The following RSU1 variants were observed in gnomAD, a reference collection of about 807,000 sequenced individuals.
RSU1 encodes Ras suppressor protein 1.
RSU1 carries 26 observed loss-of-function variants against 31.1 expected under a neutral mutation model. That is an observed-to-expected ratio of 0.84 (90% CI 0.61 to 1.16). The LOEUF (loss-of-function observed/expected upper bound fraction) is 1.16, where lower values mean the gene tolerates loss of function less well. Among genes scored for constraint, RSU1 ranks in the 50% most tolerant of loss-of-function variants. The pLI is 0.00. For missense variants in RSU1, 320 were observed against 339.1 expected (o/e 0.94, Z 0.44); for synonymous variants, 164 against 136.3 (o/e 1.20, Z -1.41).
At chr10:16,640,982 T>C (rs926168340) in intron 8 of RSU1, among the ~76,000 whole-genome samples, 4 of 152,220 alleles carry the variant, frequency 2.6e-5, no homozygotes, top group Non-Finnish European at 5.9e-5. Context: ...AGAAGGCTTG[T>C]AGTATCATTG....
At chr10:16,703,370 G>C (rs1835834821) in intron 7 of RSU1, among the ~76,000 whole-genome samples, 2 of 152,180 alleles carry the variant, frequency 1.3e-5, no homozygotes, top group South Asian at 4.1e-4. Context: ...TCTCTGAAAA[G>C]CAATCTGGCG....
intron 8 of RSU1, among the ~76,000 whole-genome samples, chr10:16,612,792 A>G (rs1833915851): frequency 6.6e-6 from 1 of 152,232 alleles, no homozygotes; most frequent in Admixed American, 6.5e-5. Context: ...TTCTGCTAAG[A>G]TGCAATGGAG....
At chr10:16,683,274 T>C (rs1277334374) in intron 8 of RSU1, among the ~76,000 whole-genome samples, 1 of 151,944 alleles carries the variant, frequency 6.6e-6, no homozygotes, top group Admixed American at 6.6e-5. Context: ...GTGTAGAGGC[T>C]ACAGATGAAG....
intron 8 of RSU1, among the ~76,000 whole-genome samples, chr10:16,602,126 C>T (rs1833723523): frequency 6.6e-6 from 1 of 152,196 alleles, no homozygotes; most frequent in Non-Finnish European, 1.5e-5. Context: ...GAGATCTCCT[C>T]TGTCCATATT....
At chr10:16,750,362 G>C (rs938279187) in intron 7 of RSU1, among the ~76,000 whole-genome samples, 1 of 151,992 alleles carries the variant, frequency 6.6e-6, no homozygotes, top group African/African-American at 2.4e-5. Flanking sequence ...CATACGGCTC[G>C]CAAAAATAAA....
intron 3 of RSU1, among the ~76,000 whole-genome samples, chr10:16,777,878 G>A (rs1020755291): frequency 2.6e-5 from 4 of 152,138 alleles, no homozygotes; most frequent in South Asian, 2.1e-4. Flanking sequence ...GCCTTCCCAC[G>A]CATCTGAGCG....
chr10:16,600,568 A>T lies in RSU1; in HGVS notation c.732-7072T>A, dbSNP rs57276326. ...TACTGACACGTGTTTTTTTTTTTTT[A>T]GGGGGGGGTGGTTTTTGAGACAGGG... On this transcript the variant is annotated intron_variant, in intron 8 of 8. Transcript: ENST00000345264. 4.2e-3 allele frequency among the ~76,000 whole-genome samples: 579 copies of T among 139,234 alleles called. 5 individuals are homozygous for T. The highest frequency in any genetic ancestry group is 3.4e-3 in the Non-Finnish European group (220 of 64,236). The allele number at this position is 139,234 out of a possible 152,430, so 91.3% of individuals were successfully genotyped here.
chr10:16,664,938 T>C (rs540092863), intron 8 of RSU1, among the ~76,000 whole-genome samples: 1 of 152,164 alleles, frequency 6.6e-6, no homozygotes, highest in African/African-American at 2.4e-5. Flanking sequence ...TCAGTTCTTT[T>C]TTCTTTCTTT....
At chr10:16,776,596 T>C (rs1202693486) in intron 3 of RSU1, among the ~76,000 whole-genome samples, 1 of 152,030 alleles carries the variant, frequency 6.6e-6, no homozygotes, top group Admixed American at 6.6e-5. Context: ...AGACCTGAAA[T>C]TGTAGGCAAA....
At chr10:16,787,179 C>A (rs1245060231) in intron 2 of RSU1, among the ~76,000 whole-genome samples, 3 of 152,178 alleles carry the variant, frequency 2.0e-5, no homozygotes, top group Admixed American at 6.5e-5. Context: ...TCTTGGGTCA[C>A]TGATGCTGGC....
chr10:16,787,883 T>C lies in RSU1; in HGVS notation c.110-5799A>G, dbSNP rs180851219. On this transcript the variant is annotated intron_variant, in intron 2 of 8. Coordinates refer to ENST00000345264, the MANE Select transcript of RSU1 (RefSeq NM_012425.4). ...CCCAGTTAATGGCTTTAGGACTGAA[T>C]TGTTACAGAATGGCACAGAAAGAGG... Among the ~76,000 whole-genome samples the C allele has an allele frequency of 4.6e-5, 7 of 152,300 alleles. No individual in the cohort carries two copies. In the South Asian group the frequency reaches 6.2e-4, roughly 14 times the overall value.
chr10:16,604,568 C>T (rs948107667), intron 8 of RSU1, among the ~76,000 whole-genome samples: 4 of 152,172 alleles, frequency 2.6e-5, no homozygotes, highest in African/African-American at 9.7e-5. Flanking sequence ...CCCCTGATCC[C>T]AACTCCTTAG....
intron 8 of RSU1, among the ~76,000 whole-genome samples, chr10:16,645,861 C>T (rs112055848): frequency 6.2e-5 from 7 of 112,254 alleles, no homozygotes; most frequent in East Asian, 2.5e-4. Context: ...AAAATATATA[C>T]GTATATATAC....
chr10:16,609,273 G>A (rs1833855867), intron 8 of RSU1, among the ~76,000 whole-genome samples: 1 of 152,186 alleles, frequency 6.6e-6, no homozygotes, highest in Admixed American at 6.5e-5. Context: ...TGGGACCCTG[G>A]CACTGCCTCA....
intron 7 of RSU1, among the ~76,000 whole-genome samples, chr10:16,701,449 G>A (rs756875225): frequency 2.0e-5 from 3 of 152,148 alleles, no homozygotes; most frequent in Non-Finnish European, 4.4e-5. Context: ...TGTGGGGAAT[G>A]CAAGGCCACA....
chr10:16,655,683 T>C (rs1834764522), intron 8 of RSU1, among the ~76,000 whole-genome samples: 1 of 152,220 alleles, frequency 6.6e-6, no homozygotes, highest in Admixed American at 6.5e-5. Flanking sequence ...TACTGAAAGT[T>C]TGTGGCAACC....
In RSU1 at chr10:16,629,192, G is replaced by A. The variant is rs572024366; in HGVS notation, c.732-35696C>T. On this transcript the variant is annotated intron_variant, in intron 8 of 8. Coordinates refer to ENST00000345264, the MANE Select transcript of RSU1 (RefSeq NM_012425.4). ...CCTGTGCACATGCAGATTCTGATGC[G>A]GTGGGTCTGGGGTGGGGCCTCAGAC... Among the ~76,000 whole-genome samples, 153 of 152,302 alleles carry A rather than the reference G, an allele frequency of 1.0e-3. 1 individual carries two copies. Among genetic ancestry groups the A allele is most frequent in the Non-Finnish European group, 1.7e-3 (117 of 68,034 alleles).
intron 7 of RSU1, among the ~76,000 whole-genome samples, chr10:16,697,388 G>A (rs1475206547): frequency 6.6e-6 from 1 of 152,188 alleles, no homozygotes; most frequent in Non-Finnish European, 1.5e-5. Flanking sequence ...CAGGAGTGGT[G>A]GCTGATGCCT....
intron 7 of RSU1, among the ~76,000 whole-genome samples, chr10:16,714,013 A>G (rs1588487547): frequency 6.6e-6 from 1 of 152,032 alleles, no homozygotes; most frequent in Admixed American, 6.6e-5. Context: ...TGGTGGTCGT[A>G]GTGTGTGGTT....
Sources: gnomAD v4.1 joint callset for allele counts (sites outside exome capture counted in the v4.1 genomes callset) on GRCh38, gnomAD v4.1.1 for gene constraint, MANE v1.5 for transcripts, NCBI Gene and HGNC (gene_info 2026-07-23, HGNC 2026-07-21) for gene names.